The following SRBD1 variants were observed in gnomAD, a reference collection of about 807,000 sequenced individuals.
The protein encoded by SRBD1 is S1 RNA binding domain 1, also known as S1 RNA-binding domain-containing protein 1.
SRBD1 carries 88 observed loss-of-function variants against 115.3 expected under a neutral mutation model. The ratio of observed to expected loss-of-function variants is 0.76; its 90% CI spans 0.64 to 0.91. The LOEUF is 0.91. Ranked by LOEUF, SRBD1 falls within the 40% of genes least tolerant of loss-of-function variation. The pLI is 0.00. For missense variants in SRBD1, 1,385 were observed against 1,177.4 expected (o/e 1.18, Z -2.58); for synonymous variants, 509 against 407.7 (o/e 1.25, Z -2.99).
At chr2:45,403,932 A>G (rs565295819) in intron 19 of SRBD1, among the ~76,000 whole-genome samples, 44 of 152,190 alleles carry the variant, frequency 2.9e-4, no homozygotes, top group Middle Eastern at 3.4e-3. Flanking sequence ...GATTTTATGC[A>G]TCATTTAGAA....
intron 14 of SRBD1, among the ~76,000 whole-genome samples, chr2:45,498,908 T>C (rs570099168): frequency 5.3e-4 from 81 of 152,350 alleles, no homozygotes; most frequent in African/African-American, 1.8e-3. Context: ...GACAGACACT[T>C]AGATTGATTC....
At chr2:45,479,219 A>G (rs746236695) in intron 15 of SRBD1, among the ~76,000 whole-genome samples, 2 of 152,150 alleles carry the variant, frequency 1.3e-5, no homozygotes, top group Non-Finnish European at 2.9e-5. Flanking sequence ...AATCAGGCCA[A>G]TAAATAACCC....
intron 16 of SRBD1, among the ~76,000 whole-genome samples, chr2:45,457,292 G>A (rs1168329006): frequency 2.0e-5 from 3 of 151,756 alleles, no homozygotes; most frequent in Middle Eastern, 3.2e-3. Flanking sequence ...CATGATTTGC[G>A]GATGAAGTTC....
At chr2:45,509,587 C>G (rs1387493964) in intron 14 of SRBD1, among the ~76,000 whole-genome samples, 2 of 130,790 alleles carry the variant, frequency 1.5e-5, no homozygotes, top group Non-Finnish European at 3.4e-5. Flanking sequence ...CACAGCAAGA[C>G]TCCGTCTCAA....
intron 16 of SRBD1, among the ~76,000 whole-genome samples, chr2:45,458,882 G>A (rs1170336322): frequency 6.6e-6 from 1 of 152,100 alleles, no homozygotes; most frequent in African/African-American, 2.4e-5. Flanking sequence ...TGTAAACTAT[G>A]ACGTTTTGGC....
At chr2:45,426,162 G>A (rs1231006662) in intron 16 of SRBD1, among the ~76,000 whole-genome samples, 3 of 152,150 alleles carry the variant, frequency 2.0e-5, no homozygotes, top group Non-Finnish European at 4.4e-5. Context: ...AGCTTGGTGG[G>A]GGGAGAGGCA....
chr2:45,390,205 G>A (rs1025696111), intron 20 of SRBD1, among the ~76,000 whole-genome samples: 1 of 152,088 alleles, frequency 6.6e-6, no homozygotes, highest in Non-Finnish European at 1.5e-5. Context: ...CAGAATCCCA[G>A]ACCAGGTAGT....
intron 11 of SRBD1, among the ~76,000 whole-genome samples, chr2:45,552,688 G>A (rs577694185): frequency 6.6e-6 from 1 of 152,346 alleles, no homozygotes; most frequent in African/African-American, 2.4e-5. Context: ...ACAGCTTGAA[G>A]TGAAATACAA....
chr2:45,498,002 T>C (rs1670514579), intron 14 of SRBD1, among the ~76,000 whole-genome samples: 1 of 152,170 alleles, frequency 6.6e-6, no homozygotes, highest in South Asian at 2.1e-4. Flanking sequence ...AGATTCCGTC[T>C]CAAAAAAGAA....
At chr2:45,555,269 C>G (rs1352719527) in intron 10 of SRBD1, among the ~76,000 whole-genome samples, 1 of 152,148 alleles carries the variant, frequency 6.6e-6, no homozygotes, top group African/African-American at 2.4e-5. Flanking sequence ...CCTGTAGTCC[C>G]TGCTACTTAG....
intron 19 of SRBD1, among the ~76,000 whole-genome samples, chr2:45,397,025 C>G (rs1667166054): frequency 6.6e-6 from 1 of 152,104 alleles, no homozygotes; most frequent in South Asian, 2.1e-4. Flanking sequence ...AAGAGACTTT[C>G]CTACTTGTCT....
chr2:45,562,828 G>T, intron 9 of SRBD1, 72 bp from the exon 10 acceptor site: 1 of 898,960 alleles, frequency 1.1e-6, no homozygotes, highest in Non-Finnish European at 1.7e-6. Context: ...CTATGTAGCT[G>T]ACAGCTATAT....
At position 45,413,238 on chromosome 2, in the gene SRBD1, C is replaced by T; in HGVS notation, c.2389G>A (p.Asp797Asn). 1 of 1,614,104 alleles carries T rather than the reference C, an allele frequency of 6.2e-7. No individual in the cohort carries two copies. The highest frequency in any genetic ancestry group is 1.7e-4 in the Middle Eastern group (1 of 6,060). ...TGCTTCTCATTTGTGACCTCAACGT[C>T]TGCTGAAGATGTCACAGCAACTCCT... The part of the protein sequence containing the change: ...IQGVAVTSSA[D>N]VEVTNEKQGK... The change falls in exon 19 of 21, where the codon GAC becomes AAC. Residue 797 changes from aspartate to asparagine, a missense_variant. Coordinates refer to ENST00000263736, the MANE Select transcript of SRBD1 (RefSeq NM_018079.5).
chr2:45,448,098 C>A (rs755996849), intron 16 of SRBD1: 1 of 152,086 alleles, frequency 6.6e-6, no homozygotes, highest in Non-Finnish European at 1.5e-5. Flanking sequence ...AAGATTATTA[C>A]TGGTTAAAGA....
chr2:45,521,316 CACAA>C (rs1240845115), intron 14 of SRBD1, among the ~76,000 whole-genome samples: 3 of 148,174 alleles, frequency 2.0e-5, no homozygotes, highest in African/African-American at 7.8e-5. Context: ...CACACACACA[CACAA>C]ACCAAACTCG....
At chr2:45,420,523 A>T (rs554006822) in intron 16 of SRBD1, among the ~76,000 whole-genome samples, 7 of 152,194 alleles carry the variant, frequency 4.6e-5, no homozygotes, top group Admixed American at 4.6e-4. Flanking sequence ...TACATTTTTT[A>T]TTTATTTGTT....
At chr2:45,409,302 C>T (rs13015963) in intron 19 of SRBD1, among the ~76,000 whole-genome samples, 86,956 of 151,668 alleles carry the variant, frequency 0.57, 26,073 homozygotes, top group Non-Finnish European at 0.68. Context: ...TTAGTCTCCA[C>T]GTACTCCTCA....
chr2:45,427,291 T>C (rs574255796), intron 16 of SRBD1, among the ~76,000 whole-genome samples: 198 of 152,256 alleles, frequency 1.3e-3, no homozygotes, highest in Non-Finnish European at 2.3e-3. Context: ...TAACCTTAAA[T>C]GTAAATGTGC....
At chr2:45,489,639 C>T (rs566855105) in intron 14 of SRBD1, among the ~76,000 whole-genome samples, 108 of 152,186 alleles carry the variant, frequency 7.1e-4, no homozygotes, top group Middle Eastern at 3.4e-3. Flanking sequence ...CAGCTGAGTG[C>T]ATATTATACA....
Sources: allele counts gnomAD v4.1 joint callset (sites outside exome capture counted in the v4.1 genomes callset), GRCh38; gene constraint gnomAD v4.1.1; transcripts MANE v1.5; gene names NCBI Gene and HGNC (gene_info 2026-07-23, HGNC 2026-07-21).